Variants in SHANK2 observed in about 807,000 individuals in gnomAD.
SHANK2 encodes SH3 and multiple ankyrin repeat domains 2, also known as SH3 and multiple ankyrin repeat domains protein 2.
Under a neutral mutation model 133.7 loss-of-function variants are expected in SHANK2, and 43 were observed. The observed-to-expected ratio is 0.32, with a 90% confidence interval of 0.25 to 0.41. SHANK2 has a LOEUF of 0.41. SHANK2 is among the 10% of genes least tolerant of loss of function. The pLI, the probability that SHANK2 is intolerant of heterozygous loss-of-function variation, is 1.00. For synonymous variants in SHANK2, 1,017 were observed against 952.8 expected, an observed-to-expected ratio of 1.07 and a Z score of -1.24; for missense variants, 1,994 against 2,235.8, an observed-to-expected ratio of 0.89 and a Z score of 2.18.
chr11:70,749,759 A>T (rs1244983910), intron 14 of SHANK2, among the ~76,000 whole-genome samples: 1 of 152,236 alleles, frequency 6.6e-6, no homozygotes, highest in Non-Finnish European at 1.5e-5. Context: ...AGTGACGAAG[A>T]CAAGACTCAG....
chr11:70,725,050 A>AT (rs1946151076), intron 14 of SHANK2, among the ~76,000 whole-genome samples: 1 of 152,224 alleles, frequency 6.6e-6, no homozygotes, highest in Admixed American at 6.5e-5. Context: ...GTAAGAAAAG[A>AT]TTTTTTAAAG....
At chr11:70,554,034 T>C (rs2059800563) in intron 17 of SHANK2, among the ~76,000 whole-genome samples, 2 of 152,248 alleles carry the variant, frequency 1.3e-5, no homozygotes, top group South Asian at 4.1e-4. Flanking sequence ...CCGGACTGGC[T>C]GCAGGAAGTC....
chr11:71,096,565 G>A (rs1407776888), intron 6 of SHANK2, among the ~76,000 whole-genome samples: 1 of 151,868 alleles, frequency 6.6e-6, no homozygotes, highest in South Asian at 2.1e-4. Flanking sequence ...CACCATGGGA[G>A]AGTGGACAGT....
chr11:70,741,263 C>T (rs1409565883), intron 14 of SHANK2, among the ~76,000 whole-genome samples: 2 of 147,492 alleles, frequency 1.4e-5, no homozygotes, highest in Non-Finnish European at 1.5e-5. Flanking sequence ...ATCCATCCAT[C>T]CATCCATCCA....
intron 2 of SHANK2, among the ~76,000 whole-genome samples, chr11:71,162,036 T>C (rs1555109989): frequency 6.6e-6 from 1 of 152,338 alleles, no homozygotes; most frequent in East Asian, 1.9e-4. Flanking sequence ...GAGACACCCC[T>C]GTAGCATTTT....
intron 6 of SHANK2, among the ~76,000 whole-genome samples, chr11:71,104,678 C>A (rs1221304134): frequency 6.6e-6 from 1 of 152,142 alleles, no homozygotes; most frequent in Non-Finnish European, 1.5e-5. Context: ...TCTTTTCCCC[C>A]GTCACCCTGG....
chr11:71,120,840 A>G (rs1952072153), intron 3 of SHANK2, among the ~76,000 whole-genome samples: 1 of 152,134 alleles, frequency 6.6e-6, no homozygotes, highest in Non-Finnish European at 1.5e-5. Flanking sequence ...TCAAGCTCCA[A>G]CATCCACAGA....
At chr11:70,586,002 A>G (rs2060246332) in intron 17 of SHANK2, among the ~76,000 whole-genome samples, 2 of 152,172 alleles carry the variant, frequency 1.3e-5, no homozygotes, top group South Asian at 4.1e-4. Flanking sequence ...ATAGGGAGAC[A>G]GCTGGGAAAA....
At chr11:70,502,099 G>A (rs2059062614) in intron 19 of SHANK2, 107 bp downstream of exon 19, 1 of 1,352,834 alleles carries the variant, frequency 7.4e-7, no homozygotes, top group Non-Finnish European at 1.0e-6. Context: ...GGGGCAGGAG[G>A]GGGGTAGCGA....
intron 3 of SHANK2, among the ~76,000 whole-genome samples, chr11:71,137,292 CCTTA>C (rs1418889713): frequency 9.2e-6 from 1 of 108,272 alleles, no homozygotes; most frequent in Non-Finnish European, 1.8e-5. Flanking sequence ...GTATTAAAAT[CCTTA>C]CTTAAAAAAA....
intron 2 of SHANK2, among the ~76,000 whole-genome samples, chr11:71,186,589 C>T (rs767988492): frequency 2.0e-5 from 3 of 152,192 alleles, no homozygotes; most frequent in Non-Finnish European, 4.4e-5. Flanking sequence ...CCTGAGAACA[C>T]GGACACTCGT....
chr11:70,950,775 T>C (rs1950821729), intron 10 of SHANK2, among the ~76,000 whole-genome samples: 1 of 145,434 alleles, frequency 6.9e-6, no homozygotes, highest in Non-Finnish European at 1.5e-5. Flanking sequence ...GCCCAGCTAA[T>C]TTTGTGTGTG....
chr11:70,503,120 T>G (rs2059085112), intron 17 of SHANK2, among the ~76,000 whole-genome samples, 189 bp from the exon 18 acceptor site: 1 of 152,204 alleles, frequency 6.6e-6, no homozygotes, highest in Non-Finnish European at 1.5e-5. Flanking sequence ...CTGCTGTGAC[T>G]GTGGAGGTCA....
At chr11:71,171,394 C>G (rs1368290400) in intron 2 of SHANK2, among the ~76,000 whole-genome samples, 1 of 152,180 alleles carries the variant, frequency 6.6e-6, no homozygotes, top group South Asian at 2.1e-4. Context: ...CGAGGGGAAG[C>G]GGCTGCCTGG....
At chr11:70,824,299 A>T (rs189914470) in intron 11 of SHANK2, among the ~76,000 whole-genome samples, 93 of 152,186 alleles carry the variant, frequency 6.1e-4, no homozygotes, top group African/African-American at 2.1e-3. Flanking sequence ...ACACACTTGG[A>T]CGTCAGTGCC....
At chr11:71,187,280 G>T (rs1160200506) in intron 2 of SHANK2, among the ~76,000 whole-genome samples, 1 of 152,202 alleles carries the variant, frequency 6.6e-6, no homozygotes, top group Non-Finnish European at 1.5e-5. Flanking sequence ...TATTGCTCAG[G>T]AACAGTTCTT....
chr11:70,954,258 G>A (rs1950885287), intron 10 of SHANK2, among the ~76,000 whole-genome samples: 1 of 152,220 alleles, frequency 6.6e-6, no homozygotes, highest in Non-Finnish European at 1.5e-5. Context: ...AGGGTCCGCT[G>A]AGCAGATTTC....
chr11:70,622,324 C>T (rs2060839851), intron 17 of SHANK2, among the ~76,000 whole-genome samples: 1 of 152,086 alleles, frequency 6.6e-6, no homozygotes, highest in Non-Finnish European at 1.5e-5. Flanking sequence ...CAACCCCCGC[C>T]CCCACCTGTG....
intron 17 of SHANK2, among the ~76,000 whole-genome samples, chr11:70,518,044 C>T (rs192134634): frequency 3.0e-4 from 46 of 152,314 alleles, no homozygotes; most frequent in African/African-American, 1.1e-3. Flanking sequence ...TAAAAAGAGG[C>T]TCATTTCTAC....
Sources: gnomAD v4.1 joint callset for allele counts (sites outside exome capture counted in the v4.1 genomes callset) on GRCh38, gnomAD v4.1.1 for gene constraint, MANE v1.5 for transcripts, NCBI Gene and HGNC (gene_info 2026-07-23, HGNC 2026-07-21) for gene names.